GRID1: variants seen among roughly 807,000 people sequenced by gnomAD.
GRID1 encodes glutamate ionotropic receptor delta type subunit 1, also known as glutamate receptor ionotropic, delta-1.
Under a neutral mutation model 98.0 loss-of-function variants are expected in GRID1, and 28 were observed. That is an observed-to-expected ratio of 0.29 (90% CI 0.21 to 0.39). The LOEUF (loss-of-function observed/expected upper bound fraction) is 0.39, where lower values mean the gene tolerates loss of function less well. GRID1 is among the 10% of genes least tolerant of loss of function. The pLI, the probability that GRID1 is intolerant of heterozygous loss-of-function variation, is 1.00. For synonymous variants in GRID1, 553 were observed against 538.5 expected, an observed-to-expected ratio of 1.03 and a Z score of -0.37; for missense variants, 1,111 against 1,340.5, an observed-to-expected ratio of 0.83 and a Z score of 2.67.
intron 8 of GRID1, among the ~76,000 whole-genome samples, chr10:85,824,458 C>T (rs1007616568): frequency 5.3e-5 from 8 of 152,206 alleles, no homozygotes; most frequent in Admixed American, 2.6e-4. Flanking sequence ...GTGATCTGCC[C>T]GCCTTGGCCT....
intron 4 of GRID1, among the ~76,000 whole-genome samples, chr10:86,125,759 C>T (rs1171391752): frequency 2.0e-5 from 3 of 152,172 alleles, no homozygotes; most frequent in Admixed American, 2.0e-4. Context: ...GCCTACTCAA[C>T]ATGAAGATAA....
intron 8 of GRID1, among the ~76,000 whole-genome samples, chr10:85,741,596 CTA>C (rs1841943563): frequency 1.3e-5 from 2 of 152,138 alleles, no homozygotes. Flanking sequence ...GCTGCCTTAA[CTA>C]TCCTTCAGTT....
intron 8 of GRID1, among the ~76,000 whole-genome samples, chr10:85,743,105 G>C (rs1262077318): frequency 1.2e-4 from 10 of 82,694 alleles, no homozygotes; most frequent in Admixed American, 3.6e-4. Context: ...GAATTATGCA[G>C]CCCCCCCCCC....
chr10:85,943,371 A>G (rs1436625580), intron 4 of GRID1, among the ~76,000 whole-genome samples: 1 of 152,216 alleles, frequency 6.6e-6, no homozygotes, highest in African/African-American at 2.4e-5. Flanking sequence ...CTCTAAATGG[A>G]AATAATAAAA....
At chr10:85,728,679 G>T (rs17105805) in intron 9 of GRID1, among the ~76,000 whole-genome samples, 9,105 of 152,218 alleles carry the variant, frequency 0.06, 516 homozygotes, top group African/African-American at 0.15. Context: ...TCTGAAAAAT[G>T]TCTTGGCACT....
At chr10:85,892,770 T>C (rs1342038923) in intron 5 of GRID1, among the ~76,000 whole-genome samples, 1 of 152,114 alleles carries the variant, frequency 6.6e-6, no homozygotes, top group Non-Finnish European at 1.5e-5. Flanking sequence ...TGGTGAATTC[T>C]ACATGCATTT....
intron 12 of GRID1, among the ~76,000 whole-genome samples, chr10:85,698,860 T>C (rs990723565): frequency 3.3e-5 from 5 of 152,210 alleles, no homozygotes; most frequent in African/African-American, 1.2e-4. Flanking sequence ...TGTGTAGTGG[T>C]ATTCCACTGT....
chr10:85,986,626 C>T (rs997625987), intron 4 of GRID1, among the ~76,000 whole-genome samples: 2 of 152,204 alleles, frequency 1.3e-5, no homozygotes, highest in Non-Finnish European at 2.9e-5. Flanking sequence ...CAAGTCTGTG[C>T]CAGGCCCACA....
chr10:86,231,025 G>A (rs762616049), intron 2 of GRID1, among the ~76,000 whole-genome samples: 1 of 152,156 alleles, frequency 6.6e-6, no homozygotes, highest in Non-Finnish European at 1.5e-5. Context: ...CTCAGCACTG[G>A]GCTGTTTCCA....
rs1175176057 is a variant in GRID1, at chr10:85,613,399, G to T, written c.2601+8C>A. ...TGTGAAAGGGAGGGCAGGCCCCAGG[G>T]TGCTGACCTCCTTGGGGGTCTCCTG... On this transcript the variant is annotated splice_region_variant and intron_variant, in intron 15 of 15. Transcript: ENST00000327946. 1 of 1,610,260 alleles carries T rather than the reference G, an allele frequency of 6.2e-7. No individual in the cohort carries two copies. The highest frequency in any genetic ancestry group is 2.2e-5 in the East Asian group (1 of 44,826).
chr10:86,358,373 A>G (rs1848560261), intron 2 of GRID1, among the ~76,000 whole-genome samples: 1 of 152,132 alleles, frequency 6.6e-6, no homozygotes, highest in African/African-American at 2.4e-5. Flanking sequence ...TGGCCCTCAA[A>G]GATGTCTACA....
chr10:86,150,001 A>G (rs1441563801), intron 3 of GRID1, among the ~76,000 whole-genome samples: 1 of 152,202 alleles, frequency 6.6e-6, no homozygotes, highest in East Asian at 1.9e-4. Flanking sequence ...GATTTTTAGA[A>G]TTTTCACAAA....
At chr10:85,623,661 C>T (rs879873445) in intron 13 of GRID1, among the ~76,000 whole-genome samples, 8 of 152,282 alleles carry the variant, frequency 5.3e-5, no homozygotes, top group Admixed American at 5.2e-4. Flanking sequence ...AGCATTTCCT[C>T]CAATCCCACT....
chr10:86,282,683 A>G (rs1847373408), intron 2 of GRID1, among the ~76,000 whole-genome samples: 1 of 152,088 alleles, frequency 6.6e-6, no homozygotes, highest in African/African-American at 2.4e-5. Flanking sequence ...GCTGGCCTCT[A>G]TCACTAGACA....
chr10:85,908,708 A>G (rs1841495418), intron 5 of GRID1, among the ~76,000 whole-genome samples: 1 of 152,202 alleles, frequency 6.6e-6, no homozygotes, highest in Non-Finnish European at 1.5e-5. Context: ...CAAAAATTTC[A>G]AGGACCTAAG....
Position 85,865,955 on chromosome 10 carries a change from GGAGAGAGAGAGAGAGAGA to G in GRID1, c.951+3037_951+3054del, listed in dbSNP as rs11468652. 4.8e-4 allele frequency among the ~76,000 whole-genome samples: 41 copies of G among 84,682 alleles called. 2 individuals are homozygous for G. Among genetic ancestry groups the G allele is most frequent in the East Asian group, 1.0e-3 (3 of 2,886 alleles). 55.6% of individuals were successfully genotyped at this position (84,682 alleles called of 152,430 possible). A position where few individuals can be genotyped will look rare whatever the true frequency, so the allele number is the denominator to read the frequency against. On this transcript the variant is annotated intron_variant, in intron 6 of 15. Coordinates refer to ENST00000327946, the MANE Select transcript of GRID1 (RefSeq NM_017551.3). ...TATATATATATATACACATATATATGGAGAGAGAGAGAGAGAGAGAGAGAGAGAGAGAGAGAGAGAGAG... is the reference window on the plus strand; with the variant it reads ...TATATATATATATACACATATATATGGAGAGAGAGAGAGAGAGAGAGAGAG...
At chr10:85,790,810 C>A (rs1422484859) in intron 8 of GRID1, among the ~76,000 whole-genome samples, 1 of 152,218 alleles carries the variant, frequency 6.6e-6, no homozygotes, top group African/African-American at 2.4e-5. Context: ...CTCCTCACAA[C>A]CTCTCAAGTG....
At position 86,274,568 on chromosome 10, in the gene GRID1, G is replaced by C. The variant is rs1409511858; in HGVS notation, c.236-67920C>G. ...GCATGGAATGTTCTTCCATTTCTTT[G>C]TATCCTCTTTTATTTCATTGAGCAG... On this transcript the variant is annotated intron_variant, in intron 2 of 15. Transcript: ENST00000327946. Among the ~76,000 whole-genome samples the C allele has an allele frequency of 2.0e-5, 3 of 152,034 alleles. 1 individual carries two copies. The highest frequency in any genetic ancestry group is 4.4e-5 in the Non-Finnish European group (3 of 67,986).
intron 2 of GRID1, among the ~76,000 whole-genome samples, chr10:86,267,800 G>C (rs1847127025): frequency 6.6e-6 from 1 of 152,194 alleles, no homozygotes; most frequent in Non-Finnish European, 1.5e-5. Flanking sequence ...GAGCTCCAGA[G>C]ACACAGGCCA....
Sources: allele counts gnomAD v4.1 joint callset (sites outside exome capture counted in the v4.1 genomes callset), GRCh38; gene constraint gnomAD v4.1.1; transcripts MANE v1.5; gene names NCBI Gene and HGNC (gene_info 2026-07-23, HGNC 2026-07-21).